The following POLR2D variants were observed in gnomAD, a reference collection of about 807,000 sequenced individuals.
POLR2D encodes DNA-directed RNA polymerase II subunit RPB4.
A neutral mutation model predicts 17.6 loss-of-function variants in POLR2D; 10 were observed. The observed-to-expected ratio is 0.57, with a 90% CI of 0.35 to 0.96. The LOEUF (loss-of-function observed/expected upper bound fraction) is 0.96. Ranked by LOEUF, POLR2D falls within the 40% of genes least tolerant of loss-of-function variation. The pLI, the probability that POLR2D is intolerant of heterozygous loss-of-function variation, is 0.02. For synonymous variants in POLR2D, 52 were observed against 60.2 expected (o/e 0.86, Z 0.63); for missense variants, 126 against 176.4 (o/e 0.71, Z 1.62).
In POLR2D at chr2:127,847,775, G is replaced by T; in HGVS notation, c.*332C>A. On this transcript the variant is annotated 3_prime_UTR_variant, in exon 4 of 4. Transcript: ENST00000272645. ...TATAAACACCCTGAAATTAAAACAT[G>T]AAATATTAAGAAAAAAGATGATGTG... is the stretch of plus-strand genomic sequence containing the variant. The T allele has an allele frequency of 3.5e-6, 1 of 289,280 alleles. No homozygotes were observed. Among genetic ancestry groups the T allele is most frequent in the Non-Finnish European group, 6.5e-6 (1 of 153,018 alleles). The allele number at this position is 289,280 out of a possible 1,614,324, so 17.9% of individuals were successfully genotyped here. A position where few individuals can be genotyped will look rare whatever the true frequency, so the allele number is the denominator to read the frequency against.
chr2:127,849,470 A>G (rs17015615), intron 3 of POLR2D, among the ~76,000 whole-genome samples: 6,646 of 152,204 alleles, frequency 0.044, 481 homozygotes, highest in African/African-American at 0.15. Flanking sequence ...TTTAAAAAAA[A>G]TTTGTTTTGC....
chr2:127,847,005 A>T lies in POLR2D; in HGVS notation c.*1102T>A, dbSNP rs1294249888. ...ATTGGGCACACAACAACCACAGTTC[A>T]TACAGCAAATGGGCTGCAGTGAACA... On this transcript the variant is annotated 3_prime_UTR_variant, in exon 4 of 4. Coordinates refer to ENST00000272645, the MANE Select transcript of POLR2D (RefSeq NM_004805.4). 1 of 152,710 alleles carries T rather than the reference A, an allele frequency of 6.5e-6. No individual in the cohort carries two copies. The highest frequency in any genetic ancestry group is 1.5e-5 in the Non-Finnish European group (1 of 68,072). 9.5% of individuals were successfully genotyped at this position (152,710 alleles called of 1,614,324 possible).
chr2:127,857,730 G>T (rs918952488), intron 1 of POLR2D: 2 of 955,480 alleles, frequency 2.1e-6, no homozygotes, highest in Non-Finnish European at 1.3e-6. Context: ...TTTCCCTAGT[G>T]CAACAGTATA....
In POLR2D at chr2:127,848,240, T is replaced by C. The variant is rs529967429; in HGVS notation, c.351-55A>G. ...TTGGCGACTGGCAATTTCCCCGCAC[T>C]CTTCTTTGAGGCGTGCTAATCTACT... is the stretch of plus-strand genomic sequence containing the variant. On this transcript the variant is annotated intron_variant, in intron 3 of 3. Coordinates refer to ENST00000272645, the MANE Select transcript of POLR2D (RefSeq NM_004805.4). 22 of 1,164,800 alleles carry C rather than the reference T, an allele frequency of 1.9e-5. No homozygotes were observed. The African/African-American group carries it at 2.3e-4, about 12-fold the overall frequency. The allele number at this position is 1,164,800 out of a possible 1,614,324, so 72.2% of individuals were successfully genotyped here.
chr2:127,851,549 T>G (rs542528263), intron 2 of POLR2D, among the ~76,000 whole-genome samples: 2 of 152,330 alleles, frequency 1.3e-5, no homozygotes, highest in South Asian at 4.1e-4. Context: ...GTCTTCAGCC[T>G]GGGCAACACA....
Position 127,844,357 on chromosome 2 carries a change from A to T in POLR2D, c.*3750T>A, listed in dbSNP as rs1032010329. The T allele has an allele frequency of 6.6e-6, 1 of 152,180 alleles. No homozygotes were observed. Among genetic ancestry groups the T allele is most frequent in the African/African-American group, 2.4e-5 (1 of 41,436 alleles). 9.4% of individuals were successfully genotyped at this position (152,180 alleles called of 1,614,324 possible). Reference sequence around the variant, plus strand: ...AGCGCAGGAACAAACTAAGACACTAAAACTTTCAGAAAGACTTATCTGGTT... The same window carrying T: ...AGCGCAGGAACAAACTAAGACACTATAACTTTCAGAAAGACTTATCTGGTT... On this transcript the variant is annotated 3_prime_UTR_variant, in exon 4 of 4. Transcript: ENST00000272645.
intron 3 of POLR2D, 134 bp from the exon 4 acceptor site, chr2:127,848,319 T>C (rs191906005): frequency 1.7e-6 from 1 of 590,184 alleles, no homozygotes; most frequent in East Asian, 3.0e-5. Flanking sequence ...CCACTTTTCC[T>C]GATAAAACAT....
chr2:127,850,542 G>T, intron 3 of POLR2D, 48 bp downstream of exon 3: 2 of 708,504 alleles, frequency 2.8e-6, no homozygotes, highest in Non-Finnish European at 4.8e-6. Context: ...AATTCTATTT[G>T]TAGGAATTTA....
chr2:127,847,232 T>C lies in POLR2D; in HGVS notation c.*875A>G, dbSNP rs1690172047. The C allele has an allele frequency of 6.6e-6, 1 of 152,244 alleles. No individual in the cohort carries two copies. Among genetic ancestry groups the C allele is most frequent in the Admixed American group, 6.5e-5 (1 of 15,270 alleles). The allele number at this position is 152,244 out of a possible 1,614,324, so 9.4% of individuals were successfully genotyped here. ...AGTAGCCATCTATCTCAAGGGGCTATGGGCTCCACAATACTTAGCACTTGT... is the reference window on the plus strand; with the variant it reads ...AGTAGCCATCTATCTCAAGGGGCTACGGGCTCCACAATACTTAGCACTTGT... On this transcript the variant is annotated 3_prime_UTR_variant, in exon 4 of 4. Transcript: ENST00000272645.
chr2:127,848,450 T>TTAA (rs1690189613), intron 3 of POLR2D, among the ~76,000 whole-genome samples: 2 of 151,950 alleles, frequency 1.3e-5, no homozygotes, highest in African/African-American at 4.8e-5. Flanking sequence ...CGCTCTTGCC[T>TTAA]CTTAGGCTAG....
chr2:127,858,120 C>CGCGA lies in POLR2D; in HGVS notation c.-21_-20insTCGC. 6.9e-7 allele frequency: 1 copy of CGCGA among 1,447,268 alleles called. No individual in the cohort carries two copies. The highest frequency in any genetic ancestry group is 9.1e-7 in the Non-Finnish European group (1 of 1,095,852). 89.7% of individuals were successfully genotyped at this position (1,447,268 alleles called of 1,614,324 possible). ...CGCCATCGCCGCGCCGCGCCGCGCGCCACCACCAGCGCCGCCGGAAGCAGA... is the reference window on the plus strand; with the variant it reads ...CGCCATCGCCGCGCCGCGCCGCGCGCGCGACACCACCAGCGCCGCCGGAAGCAGA... On this transcript the variant is annotated 5_prime_UTR_variant, in exon 1 of 4. Coordinates refer to ENST00000272645, the MANE Select transcript of POLR2D (RefSeq NM_004805.4).
chr2:127,853,038 C>T lies in POLR2D; in HGVS notation c.141G>A (p.Gln47=). ...VHMLLEHRKQ[Q]NESAEDEQEL... ...CCTGTTCGTCCTCTGCACTCTCATTCTGCTGCTTTCGATGTTCCAGAAGCA... is the reference window on the plus strand; with the variant it reads ...CCTGTTCGTCCTCTGCACTCTCATTTTGCTGCTTTCGATGTTCCAGAAGCA... Residue 47 remains glutamine (Q), a synonymous_variant, in exon 2 of 4, where the codon CAG becomes CAA. Transcript: ENST00000272645. 1.2e-6 allele frequency: 2 copies of T among 1,613,784 alleles called. No homozygotes were observed. Among genetic ancestry groups the T allele is most frequent in the Non-Finnish European group, 8.5e-7 (1 of 1,179,640 alleles).
At chr2:127,851,779 C>G (rs942221272) in intron 2 of POLR2D, among the ~76,000 whole-genome samples, 1 of 152,060 alleles carries the variant, frequency 6.6e-6, no homozygotes, top group Non-Finnish European at 1.5e-5. Context: ...TGGTGGCTTA[C>G]CTCTAATTCG....
Position 127,848,016 on chromosome 2 carries a change from C to G in POLR2D, c.*91G>C. On this transcript the variant is annotated 3_prime_UTR_variant, in exon 4 of 4. Transcript: ENST00000272645. ...CAAAGGAATTCTCAACTGTCTTCAACAGAATTTCTGTGCAAGTCAGCCCCA... is the reference window on the plus strand; with the variant it reads ...CAAAGGAATTCTCAACTGTCTTCAAGAGAATTTCTGTGCAAGTCAGCCCCA... The G allele has an allele frequency of 1.1e-6, 1 of 919,478 alleles. No homozygotes were observed. The highest frequency in any genetic ancestry group is 1.3e-5 in the South Asian group (1 of 75,214). 57.0% of individuals were successfully genotyped at this position (919,478 alleles called of 1,614,324 possible). A position where few individuals can be genotyped will look rare whatever the true frequency, so the allele number is the denominator to read the frequency against.
At position 127,846,606 on chromosome 2, in the gene POLR2D, T is replaced by G. The variant is rs1690159474; in HGVS notation, c.*1501A>C. The G allele has an allele frequency of 6.6e-6, 1 of 152,098 alleles. No homozygotes were observed. Among genetic ancestry groups the G allele is most frequent in the Non-Finnish European group, 1.5e-5 (1 of 68,010 alleles). The allele number at this position is 152,098 out of a possible 1,614,324, so 9.4% of individuals were successfully genotyped here. A position where few individuals can be genotyped will look rare whatever the true frequency, so the allele number is the denominator to read the frequency against. ...GACTGGATCTCTCATAATTGGAGACTTCAAAGTGTTCAGAACTTCAAGCCT... is the reference window on the plus strand; with the variant it reads ...GACTGGATCTCTCATAATTGGAGACGTCAAAGTGTTCAGAACTTCAAGCCT... On this transcript the variant is annotated 3_prime_UTR_variant, in exon 4 of 4. Transcript: ENST00000272645.
chr2:127,853,041 C>T lies in POLR2D; in HGVS notation c.138G>A (p.Gln46=). 6.2e-7 allele frequency: 1 copy of T among 1,613,680 alleles called. No homozygotes were observed. Among genetic ancestry groups the T allele is most frequent in the Non-Finnish European group, 8.5e-7 (1 of 1,179,538 alleles). Residue 46 remains glutamine (Q), a synonymous_variant, in exon 2 of 4, where the codon CAG becomes CAA. Coordinates refer to ENST00000272645, the MANE Select transcript of POLR2D (RefSeq NM_004805.4). ...GTTCGTCCTCTGCACTCTCATTCTG[C>T]TGCTTTCGATGTTCCAGAAGCATAT... ...EVHMLLEHRK[Q]QNESAEDEQE... is the part of the protein sequence containing the mutation.
In POLR2D at chr2:127,846,241, C is replaced by CT. The variant is rs2104720033; in HGVS notation, c.*1865dup. On this transcript the variant is annotated 3_prime_UTR_variant, in exon 4 of 4. Coordinates refer to ENST00000272645, the MANE Select transcript of POLR2D (RefSeq NM_004805.4). ...GCATCCTGGGCAACACAGCCAGACT[C>CT]TATCTCAAAAAATAAATAAATAAAT... is the stretch of plus-strand genomic sequence containing the variant. The CT allele has an allele frequency of 6.6e-6, 1 of 151,938 alleles. No homozygotes were observed. The highest frequency in any genetic ancestry group is 2.1e-4 in the South Asian group (1 of 4,822). The allele number at this position is 151,938 out of a possible 1,614,324, so 9.4% of individuals were successfully genotyped here.
chr2:127,857,924 C>T, intron 1 of POLR2D, 104 bp downstream of exon 1: 1 of 1,470,656 alleles, frequency 6.8e-7, no homozygotes, highest in Non-Finnish European at 9.0e-7. Flanking sequence ...TGGGGCTTGC[C>T]CAAGCCGCCG....
chr2:127,848,047 T>G lies in POLR2D; in HGVS notation c.*60A>C. ...TTCTGTGCAAGTCAGCCCCAGACAGTGGGAAGGTGGTGTTATGCCTGGGGA... is the reference window on the plus strand; with the variant it reads ...TTCTGTGCAAGTCAGCCCCAGACAGGGGGAAGGTGGTGTTATGCCTGGGGA... On this transcript the variant is annotated 3_prime_UTR_variant, in exon 4 of 4. Coordinates refer to ENST00000272645, the MANE Select transcript of POLR2D (RefSeq NM_004805.4). 1 of 1,094,328 alleles carries G rather than the reference T, an allele frequency of 9.1e-7. No homozygotes were observed. The highest frequency in any genetic ancestry group is 1.2e-5 in the South Asian group (1 of 80,380). The allele number at this position is 1,094,328 out of a possible 1,614,324, so 67.8% of individuals were successfully genotyped here.
Sources: gnomAD v4.1 joint callset for allele counts (sites outside exome capture counted in the v4.1 genomes callset) on GRCh38, gnomAD v4.1.1 for gene constraint, MANE v1.5 for transcripts, NCBI Gene and HGNC (gene_info 2026-07-23, HGNC 2026-07-21) for gene names.